PRPF18: variants seen among roughly 807,000 people sequenced by gnomAD.
PRPF18 encodes pre-mRNA-splicing factor 18.
In PRPF18, 38 loss-of-function variants were observed where a neutral mutation model predicts 46.5. The observed-to-expected ratio is 0.82, with a 90% confidence interval of 0.63 to 1.07. The LOEUF (loss-of-function observed/expected upper bound fraction) is 1.07, where lower values mean the gene tolerates loss of function less well. Among genes scored for constraint, PRPF18 ranks in the 50% least tolerant of loss-of-function variants. The pLI is 0.00. For missense variants in PRPF18, 263 were observed against 410.0 expected, an observed-to-expected ratio of 0.64 and a Z score of 3.10; for synonymous variants, 152 against 146.7, an observed-to-expected ratio of 1.04 and a Z score of -0.26.
At chr10:13,618,444 A>C (rs980776104) in intron 9 of PRPF18, among the ~76,000 whole-genome samples, 1 of 151,938 alleles carries the variant, frequency 6.6e-6, no homozygotes, top group Non-Finnish European at 1.5e-5. Flanking sequence ...CCTGGGCAAC[A>C]TAGCGAGACC....
At chr10:13,654,221 C>T in the PRPF18 span, 6 of 608,728 alleles carry the variant, frequency 9.9e-6, no homozygotes, top group South Asian at 1.2e-4. Context: ...GACAATTCAC[C>T]TCTATAAAGG....
At chr10:13,615,204 T>C (rs2133792364) in intron 8 of PRPF18, among the ~76,000 whole-genome samples, 1 of 152,372 alleles carries the variant, frequency 6.6e-6, no homozygotes, top group South Asian at 2.1e-4. Context: ...GCAGGAAGAA[T>C]GCACATCACT....
chr10:13,654,620 T>C, the PRPF18 span: 13 of 687,332 alleles, frequency 1.9e-5, no homozygotes, highest in East Asian at 3.1e-4. Context: ...GAGGTCACCA[T>C]TTCCAGGGAT....
intron 8 of PRPF18, among the ~76,000 whole-genome samples, chr10:13,615,496 A>G (rs911694225): frequency 1.3e-5 from 2 of 152,220 alleles, no homozygotes; most frequent in African/African-American, 4.8e-5. Flanking sequence ...GAGCAAGTTC[A>G]CATTTATCTT....
At chr10:13,633,076 C>T (rs1324589761), downstream of PRPF18, among the ~76,000 whole-genome samples, 2 of 152,142 alleles carry the variant, frequency 1.3e-5, no homozygotes, top group African/African-American at 4.8e-5. Context: ...GAGCCTGCAA[C>T]AATCTGGAGG....
At chr10:13,597,567 C>G (rs1287655229) in intron 2 of PRPF18, 32 bp downstream of exon 2, 6 of 1,597,558 alleles carry the variant, frequency 3.8e-6, no homozygotes, top group Non-Finnish European at 5.1e-6. Context: ...TTAAATTGTA[C>G]ATTTCTGAGT....
chr10:13,655,754 ACT>A, the PRPF18 span: 1 of 151,426 alleles, frequency 6.6e-6, no homozygotes, highest in Non-Finnish European at 1.5e-5. Context: ...TTTGCTTCTG[ACT>A]CTCATTTTAT....
the PRPF18 span, chr10:13,652,409 T>C: frequency 3.3e-5 from 6 of 183,940 alleles, no homozygotes; most frequent in Non-Finnish European, 6.8e-5. Context: ...TTGGATCAGG[T>C]GAGACTGGGC....
the PRPF18 span, chr10:13,654,306 T>A: frequency 1.3e-6 from 1 of 793,236 alleles, no homozygotes; most frequent in Non-Finnish European, 2.3e-6. Context: ...CACCTCCCAG[T>A]GATGAACCCT....
intron 5 of PRPF18, among the ~76,000 whole-genome samples, chr10:13,611,318 C>T (rs2133685854): frequency 6.6e-6 from 1 of 151,956 alleles, no homozygotes; most frequent in South Asian, 2.1e-4. Context: ...AGTATATTCA[C>T]ATGGTGGTGC....
At chr10:13,605,604 TTACTG>T in intron 3 of PRPF18, 22 bp from the exon 4 acceptor site, 1 of 1,446,774 alleles carries the variant, frequency 6.9e-7, no homozygotes, top group East Asian at 2.5e-5. Flanking sequence ...AAAAAAAAAT[TTACTG>T]GGTATCTGTT....
rs34162273 is a variant in PRPF18, at chr10:13,606,733, C to CAAAA, written c.363+1011_363+1014dup. On this transcript the variant is annotated intron_variant, in intron 4 of 9. Coordinates refer to ENST00000378572, the MANE Select transcript of PRPF18 (RefSeq NM_003675.4). ...CTGGCGACAGAGTGAGACTCCTTCT[C>CAAAA]AAAAAAAAAAAAAAAAAAAAAAAAA... 1.6e-4 allele frequency among the ~76,000 whole-genome samples: 12 copies of CAAAA among 73,016 alleles called. 1 individual carries two copies. Among genetic ancestry groups the CAAAA allele is most frequent in the African/African-American group, 4.4e-4 (9 of 20,558 alleles). The allele number at this position is 73,016 out of a possible 152,430, so 47.9% of individuals were successfully genotyped here.
At chr10:13,597,770 A>C in intron 2 of PRPF18, 1 of 969,802 alleles carries the variant, frequency 1.0e-6, no homozygotes, top group Non-Finnish European at 1.5e-6. Flanking sequence ...TGTGGACGGC[A>C]TGAAGTGGCT....
At chr10:13,636,493 C>T in the PRPF18 span, among the ~76,000 whole-genome samples, 4 of 152,090 alleles carry the variant, frequency 2.6e-5, no homozygotes, top group African/African-American at 9.7e-5. Context: ...TAGTGTTACG[C>T]GTCAAGTGTC....
chr10:13,652,021 C>T, the PRPF18 span: 1 of 975,564 alleles, frequency 1.0e-6, no homozygotes, highest in Non-Finnish European at 1.7e-6. Flanking sequence ...GGTCATGTTA[C>T]AGAGAGACAC....
rs1399300388 is a variant in PRPF18, at chr10:13,630,302, A to G, written c.991A>G (p.Thr331Ala). 2 of 1,612,602 alleles carry G rather than the reference A, an allele frequency of 1.2e-6. No homozygotes were observed. Among genetic ancestry groups the G allele is most frequent in the Admixed American group, 1.7e-5 (1 of 60,002 alleles). The change falls in exon 10 of 10, where the codon ACA (threonine) becomes GCA (alanine). Residue 331 changes from threonine (T) to alanine (A), a missense_variant. Thr to Ala is a moderately conservative substitution (Grantham distance 58, BLOSUM62 0). Coordinates refer to ENST00000378572, the MANE Select transcript of PRPF18 (RefSeq NM_003675.4). ...GACCATTTGCCAGAAACACTTTCCT[A>G]CAGACCCATCCAAATGTGTGGAGTA... The part of the protein sequence containing the change: ...LMTICQKHFP[T>A]DPSKCVEYNA...
At chr10:13,589,717 A>G (rs2133057822) in intron 1 of PRPF18, among the ~76,000 whole-genome samples, 1 of 152,304 alleles carries the variant, frequency 6.6e-6, no homozygotes, top group East Asian at 1.9e-4. Flanking sequence ...TCTGACTTAG[A>G]TATTTGGATG....
chr10:13,623,823 T>C (rs767191173), intron 9 of PRPF18, among the ~76,000 whole-genome samples: 18 of 152,206 alleles, frequency 1.2e-4, no homozygotes, highest in Non-Finnish European at 2.5e-4. Flanking sequence ...CCAGGATATA[T>C]CCTATATCAT....
the PRPF18 span, chr10:13,653,811 G>A: frequency 2.9e-4 from 42 of 146,266 alleles, no homozygotes; most frequent in South Asian, 6.5e-3. Flanking sequence ...CCTCACTGGC[G>A]CCGAGATGAT....
Sources: gnomAD v4.1 joint callset for allele counts (sites outside exome capture counted in the v4.1 genomes callset) on GRCh38, gnomAD v4.1.1 for gene constraint, MANE v1.5 for transcripts, NCBI Gene and HGNC (gene_info 2026-07-23, HGNC 2026-07-21) for gene names.